Variants in RNF32 observed in about 807,000 individuals in gnomAD.
RNF32 encodes ring finger protein 32.
RNF32 carries 36 observed loss-of-function variants against 41.0 expected under a neutral mutation model. The observed-to-expected ratio is 0.88, with a 90% CI of 0.67 to 1.16. The LOEUF (loss-of-function observed/expected upper bound fraction) is 1.16. Among genes scored for constraint, RNF32 ranks in the 50% most tolerant of loss-of-function variants. The probability of loss-of-function intolerance (pLI) is 0.00; values close to 1 mark genes in which losing one functional copy is unlikely to be tolerated. For synonymous variants in RNF32, 154 were observed against 160.9 expected, an observed-to-expected ratio of 0.96 and a Z score of 0.32; for missense variants, 413 against 436.7, an observed-to-expected ratio of 0.95 and a Z score of 0.48.
chr7:156,644,432 T>A, intron 2 of RNF32, 67 bp from the exon 3 acceptor site: 1 of 1,255,566 alleles, frequency 8.0e-7, no homozygotes, highest in Admixed American at 2.0e-5. Context: ...TATTGAAGCC[T>A]CAGTTCTCTT....
intron 7 of RNF32, among the ~76,000 whole-genome samples, chr7:156,667,491 T>G (rs59415139): frequency 6.6e-6 from 1 of 152,222 alleles, no homozygotes; most frequent in Non-Finnish European, 1.5e-5. Flanking sequence ...CTTTGTAAAA[T>G]TGAAAATGTT....
chr7:156,644,418 TGAG>T, intron 2 of RNF32, 78 bp from the exon 3 acceptor site: 1 of 1,069,082 alleles, frequency 9.4e-7, no homozygotes, highest in Non-Finnish European at 1.4e-6. Flanking sequence ...CCATCAAGGT[TGAG>T]TATTGAAGCC....
Position 156,669,166 on chromosome 7 carries a change from C to A in RNF32, c.685-6530C>A, listed in dbSNP as rs1422413123. 1.3e-5 allele frequency: 2 copies of A among 152,250 alleles called. No individual in the cohort carries two copies. Among genetic ancestry groups the A allele is most frequent in the African/African-American group, 4.8e-5 (2 of 41,462 alleles). 9.4% of individuals were successfully genotyped at this position (152,250 alleles called of 1,614,324 possible). A position where few individuals can be genotyped will look rare whatever the true frequency, so the allele number is the denominator to read the frequency against. On this transcript the variant is annotated intron_variant, in intron 7 of 8. Transcript: ENST00000317955. The surrounding 1 kb of genome is among the most constrained non-coding windows in gnomAD (Gnocchi z 4.2). The stretch of plus-strand genomic sequence containing the variant: ...TTGTAAAGGGTGTGCTGACCAGCCC[C>A]TCTGGGCAGACACAGGTGCAAGGGC...
At position 156,676,521 on chromosome 7, in the gene RNF32, C is replaced by T. The variant is rs1204518401; in HGVS notation, c.955C>T (p.Leu319Phe). 2.5e-6 allele frequency: 4 copies of T among 1,613,946 alleles called. No individual in the cohort carries two copies. In the African/African-American group the frequency reaches 5.3e-5, roughly 22 times the overall value. ...GAGRRSREMA[L>F]LSCSHVFHHA... Reference sequence around the variant, plus strand: ...AGGCAGGCGTTCCAGAGAGATGGCCCTCCTGTCCTGCTCACATGTGTTCCA... The same window carrying T: ...AGGCAGGCGTTCCAGAGAGATGGCCTTCCTGTCCTGCTCACATGTGTTCCA... Residue 319 changes from leucine (L) to phenylalanine (F), a missense_variant, in exon 9 of 9, where the codon CTC becomes TTC. Transcript: ENST00000317955.
At chr7:156,644,360 G>C in intron 2 of RNF32, 139 bp from the exon 3 acceptor site, 2 of 683,370 alleles carry the variant, frequency 2.9e-6, no homozygotes, top group South Asian at 3.4e-5. Context: ...CTCCTACTTA[G>C]GTAACAATGA....
upstream of RNF32, chr7:156,640,634 C>G: frequency 2.6e-6 from 1 of 387,294 alleles, no homozygotes; most frequent in Non-Finnish European, 5.0e-6. Context: ...GCAATGTGGG[C>G]CGGGCGGGGC....
chr7:156,647,456 C>T (rs1798120286), intron 3 of RNF32, among the ~76,000 whole-genome samples: 2 of 152,034 alleles, frequency 1.3e-5, no homozygotes, highest in Admixed American at 1.3e-4. Context: ...ACATGAGTTA[C>T]TTCACTTGGA....
chr7:156,654,757 C>T, intron 4 of RNF32, 39 bp downstream of exon 4: 1 of 1,589,702 alleles, frequency 6.3e-7, no homozygotes, highest in Non-Finnish European at 8.6e-7. Flanking sequence ...AGCTCCTGGG[C>T]TGTTTCCTAG....
intron 3 of RNF32, among the ~76,000 whole-genome samples, chr7:156,644,960 T>C (rs986370522): frequency 6.6e-6 from 1 of 152,074 alleles, no homozygotes; most frequent in African/African-American, 2.4e-5. Flanking sequence ...TAATGGTAAG[T>C]AGAATAAGTA....
chr7:156,647,364 T>C, intron 3 of RNF32, among the ~76,000 whole-genome samples: 1 of 146,686 alleles, frequency 6.8e-6, no homozygotes, highest in East Asian at 2.2e-4. Context: ...CTCCGCCTCC[T>C]GAGTCTCCAA....
At position 156,670,090 on chromosome 7, in the gene RNF32, T is replaced by G. The variant is rs1802148771; in HGVS notation, c.685-5606T>G. On this transcript the variant is annotated intron_variant, in intron 7 of 8. Coordinates refer to ENST00000317955, the MANE Select transcript of RNF32 (RefSeq NM_030936.4). This position sits in a 1 kb window ranked among gnomAD's most constrained non-coding sequence, Gnocchi z 4.3. ...CTAAGAAAAAATTAAATTATAAATT[T>G]TATGACTTTCACAGTGCATCTTTAC... Among the ~76,000 whole-genome samples the G allele has an allele frequency of 1.3e-5, 2 of 152,262 alleles. No homozygotes were observed. Among genetic ancestry groups the G allele is most frequent in the South Asian group, 2.1e-4 (1 of 4,834 alleles).
At position 156,669,651 on chromosome 7, in the gene RNF32, T is replaced by C. The variant is rs577809024; in HGVS notation, c.685-6045T>C. Among the ~76,000 whole-genome samples the C allele has an allele frequency of 6.6e-6, 1 of 152,186 alleles. No individual in the cohort carries two copies. Among genetic ancestry groups the C allele is most frequent in the South Asian group, 2.1e-4 (1 of 4,830 alleles). On this transcript the variant is annotated intron_variant, in intron 7 of 8. Coordinates refer to ENST00000317955, the MANE Select transcript of RNF32 (RefSeq NM_030936.4). This position sits in a 1 kb window ranked among gnomAD's most constrained non-coding sequence, Gnocchi z 4.2. Reference sequence around the variant, plus strand: ...CCACAGCCACGTGAACACTGGAAACTGCCCTCAGAGCCCCGGGGATGCGAG... The same window carrying C: ...CCACAGCCACGTGAACACTGGAAACCGCCCTCAGAGCCCCGGGGATGCGAG...
In RNF32 at chr7:156,676,629, T is replaced by C; in HGVS notation, c.1063T>C (p.Tyr355His). Reference sequence around the variant, plus strand: ...TGCCTGTCCTCTCTGCCGCTCCTGCTACCAGAAGAAGATTCTTGAATGTTG... The same window carrying C: ...TGCCTGTCCTCTCTGCCGCTCCTGCCACCAGAAGAAGATTCTTGAATGTTG... ...FHACPLCRSC[Y>H]QKKILEC Residue 355 changes from tyrosine to histidine, a missense_variant, in exon 9 of 9, where the codon TAC becomes CAC. Physicochemically the swap from Tyr to His is moderately conservative, Grantham distance 83 (BLOSUM62 2). Transcript: ENST00000317955. The C allele has an allele frequency of 6.2e-7, 1 of 1,613,964 alleles. No homozygotes were observed. Among genetic ancestry groups the C allele is most frequent in the Admixed American group, 1.7e-5 (1 of 60,028 alleles).
At chr7:156,668,512 CT>C (rs1221432550) in intron 7 of RNF32, among the ~76,000 whole-genome samples, 1 of 152,176 alleles carries the variant, frequency 6.6e-6, no homozygotes, top group Non-Finnish European at 1.5e-5. Flanking sequence ...ACCTGTGGGT[CT>C]TGCCACCCTG....
At chr7:156,673,296 A>G (rs1284951141) in intron 7 of RNF32, among the ~76,000 whole-genome samples, 3 of 152,240 alleles carry the variant, frequency 2.0e-5, no homozygotes, top group Non-Finnish European at 2.9e-5. Flanking sequence ...AAAACAATTT[A>G]CAGAAAACCT....
chr7:156,661,622 A>C (rs1180005407), intron 7 of RNF32, among the ~76,000 whole-genome samples: 1 of 152,160 alleles, frequency 6.6e-6, no homozygotes, highest in African/African-American at 2.4e-5. Flanking sequence ...TGGCCTGGCC[A>C]GGATTTTATT....
chr7:156,674,660 C>G (rs77959650), intron 7 of RNF32, among the ~76,000 whole-genome samples: 1 of 151,964 alleles, frequency 6.6e-6, no homozygotes, highest in Non-Finnish European at 1.5e-5. Flanking sequence ...GGTGACAGAG[C>G]GAGATGCTGT....
intron 4 of RNF32, among the ~76,000 whole-genome samples, chr7:156,656,121 G>A (rs1441240547): frequency 1.3e-5 from 2 of 152,158 alleles, no homozygotes; most frequent in Non-Finnish European, 2.9e-5. Context: ...ATTTCAGAGG[G>A]CCTTCAATTA....
chr7:156,648,877 T>C (rs955866970), intron 3 of RNF32, among the ~76,000 whole-genome samples: 2 of 152,246 alleles, frequency 1.3e-5, no homozygotes, highest in Non-Finnish European at 2.9e-5. Flanking sequence ...GTTTTGTTTT[T>C]TTCACTTTAT....
Sources: allele counts gnomAD v4.1 joint callset (sites outside exome capture counted in the v4.1 genomes callset), GRCh38; gene constraint gnomAD v4.1.1; non-coding constraint Gnocchi (gnomAD v3.1); transcripts MANE v1.5; gene names NCBI Gene and HGNC (gene_info 2026-07-23, HGNC 2026-07-21).